The following TENM2 variants were observed in gnomAD, a reference collection of about 807,000 sequenced individuals.
TENM2 encodes teneurin transmembrane protein 2, also known as teneurin-2.
TENM2 carries 52 observed loss-of-function variants against 245.2 expected under a neutral mutation model. The observed-to-expected ratio is 0.21, with a 90% confidence interval of 0.17 to 0.27. The LOEUF (loss-of-function observed/expected upper bound fraction) is 0.27. Ranked by LOEUF, TENM2 falls within the 10% of genes least tolerant of loss-of-function variation. TENM2 has a pLI of 1.00. For missense variants in TENM2, 3,046 were observed against 3,666.8 expected (o/e 0.83, Z 4.37); for synonymous variants, 1,363 against 1,438.9 (o/e 0.95, Z 1.19).
intron 2 of TENM2, among the ~76,000 whole-genome samples, chr5:167,437,649 C>T (rs1189831144): frequency 6.6e-6 from 1 of 152,156 alleles, no homozygotes; most frequent in Non-Finnish European, 1.5e-5. Flanking sequence ...GTAACTCCCA[C>T]AATTCCCCCA....
At chr5:167,476,793 T>A (rs1767414367) in intron 2 of TENM2, among the ~76,000 whole-genome samples, 1 of 152,090 alleles carries the variant, frequency 6.6e-6, no homozygotes, top group Non-Finnish European at 1.5e-5. Context: ...GAGACAGGTT[T>A]TCACCATGTT....
chr5:168,245,605 C>T (rs1266177358), intron 26 of TENM2, among the ~76,000 whole-genome samples: 2 of 151,094 alleles, frequency 1.3e-5, no homozygotes, highest in Non-Finnish European at 2.9e-5. Context: ...CCTTTGGGCA[C>T]GTATCAAGAC....
intron 25 of TENM2, chr5:168,229,526 TAATAAATAAAAATA>T (rs751744453): frequency 5.7e-5 from 7 of 121,956 alleles, no homozygotes; most frequent in Non-Finnish European, 1.0e-4. Flanking sequence ...AAGTAAAAAC[TAATAAATAAAAATA>T]AATAAATAAC....
intron 12 of TENM2, 66 bp from the exon 15 acceptor site, chr5:168,162,545 G>A: frequency 6.4e-7 from 1 of 1,564,826 alleles, no homozygotes. Context: ...CCCTCTGCAT[G>A]GCTCCCCTGC....
intron 3 of TENM2, among the ~76,000 whole-genome samples, chr5:167,933,827 G>A (rs753685257): frequency 2.6e-4 from 39 of 152,094 alleles, no homozygotes; most frequent in Non-Finnish European, 4.4e-4. Context: ...CTTCCACCCC[G>A]GTATGGTCAC....
At chr5:168,156,247 T>TTAAAAA (rs371161830) in intron 12 of TENM2, among the ~76,000 whole-genome samples, 2 of 80,794 alleles carry the variant, frequency 2.5e-5, no homozygotes, top group Non-Finnish European at 4.2e-5. Flanking sequence ...TCCCCATAGT[T>TTAAAAA]AAAAAAAAAA....
At chr5:168,220,668 A>T (rs774366165) in intron 23 of TENM2, among the ~76,000 whole-genome samples, 3 of 152,158 alleles carry the variant, frequency 2.0e-5, no homozygotes, top group Non-Finnish European at 1.5e-5. Context: ...ATGATCAGCC[A>T]ATTGGAAGAC....
intron 3 of TENM2, among the ~76,000 whole-genome samples, chr5:167,892,653 T>C (rs1184795306): frequency 6.6e-6 from 1 of 152,144 alleles, no homozygotes; most frequent in African/African-American, 2.4e-5. Flanking sequence ...AGTGTGTACT[T>C]AGTAGGCTTG....
chr5:167,845,557 C>A (rs1204646666), intron 2 of TENM2, among the ~76,000 whole-genome samples: 3 of 152,022 alleles, frequency 2.0e-5, no homozygotes, highest in African/African-American at 7.3e-5. Flanking sequence ...CAGTGTTGGG[C>A]AGGTCACATA....
chr5:167,516,172 A>T (rs942355253), intron 2 of TENM2, among the ~76,000 whole-genome samples: 1 of 152,146 alleles, frequency 6.6e-6, no homozygotes, highest in African/African-American at 2.4e-5. Context: ...TCTGTAAGAC[A>T]CTAGCTACCA....
chr5:167,252,911 C>T, the TENM2 span, among the ~76,000 whole-genome samples: 9 of 152,204 alleles, frequency 5.9e-5, no homozygotes, highest in East Asian at 1.7e-3. Flanking sequence ...TGACTCTGGC[C>T]TTACGTGTCA....
At chr5:167,060,055 T>A in the TENM2 span, among the ~76,000 whole-genome samples, 2 of 152,174 alleles carry the variant, frequency 1.3e-5, no homozygotes, top group East Asian at 3.9e-4. Flanking sequence ...TTTTAATTCA[T>A]AAATTAAAAA....
At chr5:167,370,341 CAAAAAAAAAAAAAAAAA>C (rs35067759) in intron 1 of TENM2, among the ~76,000 whole-genome samples, 41 of 73,488 alleles carry the variant, frequency 5.6e-4, no homozygotes, top group African/African-American at 7.2e-4. Context: ...GACTCCGTCT[CAAAAAAAAAAAAAAAAA>C]AAAAAAAAAA....
At chr5:168,262,181 C>A in exon 29 of TENM2, 1 of 1,612,404 alleles carries the variant, frequency 6.2e-7, no homozygotes, top group African/African-American at 1.3e-5. Flanking sequence ...CACCACCACG[C>A]CCATCATTGG....
At chr5:167,188,579 T>A in the TENM2 span, among the ~76,000 whole-genome samples, 14 of 152,190 alleles carry the variant, frequency 9.2e-5, no homozygotes, top group Admixed American at 6.5e-5. Context: ...AGCTCACTTT[T>A]GACAACAAAC....
Position 167,931,187 on chromosome 5 carries a change from A to G in TENM2, c.713-21401A>G, listed in dbSNP as rs1778254183. Among the ~76,000 whole-genome samples the G allele has an allele frequency of 1.3e-5, 2 of 152,204 alleles. 1 individual carries two copies. The highest frequency in any genetic ancestry group is 4.8e-5 in the African/African-American group (2 of 41,450). Reference sequence around the variant, plus strand: ...AATTGGTTGCCTTTGATGAAAATGAAAATGTTATCCATGAAAAATCTCTAG... The same window carrying G: ...AATTGGTTGCCTTTGATGAAAATGAGAATGTTATCCATGAAAAATCTCTAG... On this transcript the variant is annotated intron_variant, in intron 3 of 28. Transcript: ENST00000518659.
intron 3 of TENM2, among the ~76,000 whole-genome samples, chr5:167,908,732 T>A (rs1776315497): frequency 2.0e-5 from 3 of 149,060 alleles, no homozygotes. Flanking sequence ...CCCAACACAG[T>A]CCTCAGCATA....
In TENM2 at chr5:167,954,660, C is replaced by A. The variant is rs370938345; in HGVS notation, c.947+1838C>A. Among the ~76,000 whole-genome samples, 12 of 152,256 alleles carry A rather than the reference C, an allele frequency of 7.9e-5. No individual in the cohort carries two copies. In the East Asian group the frequency reaches 2.1e-3, roughly 27 times the overall value. On this transcript the variant is annotated intron_variant, in intron 4 of 28. Coordinates refer to ENST00000518659, the Ensembl canonical transcript of TENM2. ...GGCCCCAGTGTGTGATGTTCCCCTC[C>A]CTGTGTCCATGTGTTCTTATTGTTC...
At chr5:167,153,924 C>T in the TENM2 span, among the ~76,000 whole-genome samples, 810 of 152,174 alleles carry the variant, frequency 5.3e-3, 9 homozygotes, top group African/African-American at 0.018. Flanking sequence ...TCTTTGTTAA[C>T]AATATCTCCA....
Sources: allele counts gnomAD v4.1 joint callset (sites outside exome capture counted in the v4.1 genomes callset), GRCh38; gene constraint gnomAD v4.1.1; transcripts MANE v1.5; gene names NCBI Gene and HGNC (gene_info 2026-07-23, HGNC 2026-07-21).